SMN2: variants seen among roughly 807,000 people sequenced by gnomAD.
SMN2 encodes survival of motor neuron 2, centromeric.
A neutral mutation model predicts 2.8 loss-of-function variants in SMN2; 1 was observed. The observed-to-expected ratio is 0.35, with a 90% CI of 0.13 to 1.68. The LOEUF is 1.68. SMN2 is among the 40% of genes most tolerant of loss of function. SMN2 has a pLI of 0.35. For missense variants in SMN2, 12 were observed against 16.9 expected (o/e 0.71, Z 0.51); for synonymous variants, 5 against 5.0 (o/e 0.99, Z 0.01).
chr5:70,052,909 G>A (rs1269883755), intron 1 of SMN2, among the ~76,000 whole-genome samples: 1 of 129,984 alleles, frequency 7.7e-6, no homozygotes, highest in East Asian at 2.1e-4. Context: ...AAAGTGGGAG[G>A]ATCAATGTAC....
the SMN2 span, among the ~76,000 whole-genome samples, chr5:70,084,644 C>A: frequency 7.3e-6 from 1 of 137,282 alleles, no homozygotes; most frequent in Non-Finnish European, 1.5e-5. Flanking sequence ...AAATGATTAT[C>A]TCATATTTGT....
chr5:70,085,004 G>A, the SMN2 span, among the ~76,000 whole-genome samples: 3 of 138,096 alleles, frequency 2.2e-5, 1 homozygote, highest in African/African-American at 9.1e-5. Context: ...CTATAAACAA[G>A]TGTCCTTTTT....
chr5:70,083,867 T>G, the SMN2 span, among the ~76,000 whole-genome samples: 2,698 of 129,244 alleles, frequency 0.021, 364 homozygotes, highest in African/African-American at 0.09. Context: ...AGGAGTTAAT[T>G]GGTGCAGCAC....
downstream of SMN2, among the ~76,000 whole-genome samples, chr5:70,079,756 C>G (rs185193201): frequency 0.047 from 5,351 of 114,400 alleles, 520 homozygotes; most frequent in African/African-American, 0.2. Flanking sequence ...GAGACCCTGT[C>G]TCAAAAAAAA....
At chr5:70,076,045 G>T (rs1222433234) in intron 7 of SMN2, among the ~76,000 whole-genome samples, 1 of 125,668 alleles carries the variant, frequency 8.0e-6, no homozygotes, top group African/African-American at 3.5e-5. Context: ...AGTAGAAACG[G>T]GGTTTTGCCA....
At chr5:70,087,891 TTTA>T in the SMN2 span, among the ~76,000 whole-genome samples, 2 of 29,802 alleles carry the variant, frequency 6.7e-5, no homozygotes, top group Non-Finnish European at 1.1e-4. Flanking sequence ...TGATGTAAAA[TTTA>T]TTATTGTGGG....
At chr5:70,080,171 CA>C (rs1227907652), downstream of SMN2, among the ~76,000 whole-genome samples, 16 of 115,998 alleles carry the variant, frequency 1.4e-4, no homozygotes, top group East Asian at 5.1e-4. Flanking sequence ...ACTAAAAATA[CA>C]AAAAAAAAAT....
At chr5:70,079,774 A>C, downstream of SMN2, among the ~76,000 whole-genome samples, 1 of 120,560 alleles carries the variant, frequency 8.3e-6, no homozygotes. Context: ...AAAAAACCAA[A>C]CCAAAGCAAC....
the SMN2 span, among the ~76,000 whole-genome samples, chr5:70,084,735 C>T: frequency 3.6e-5 from 5 of 137,538 alleles, 1 homozygote; most frequent in Admixed American, 7.3e-5. Context: ...TATGGTCTTC[C>T]CATTACCATT....
At chr5:70,084,720 G>C in the SMN2 span, among the ~76,000 whole-genome samples, 1 of 137,646 alleles carries the variant, frequency 7.3e-6, no homozygotes, top group Non-Finnish European at 1.5e-5. Flanking sequence ...ATTTTCTGTT[G>C]TTTATATGGT....
At chr5:70,077,929 G>GT (rs1400409914), downstream of SMN2, 7 of 115,130 alleles carry the variant, frequency 6.1e-5, no homozygotes, top group Non-Finnish European at 1.2e-4. Flanking sequence ...TAGAGATGGA[G>GT]TTTCACCATG....
intron 6 of SMN2, among the ~76,000 whole-genome samples, chr5:70,069,819 C>T (rs1422753485): frequency 9.2e-3 from 55 of 5,996 alleles, no homozygotes; most frequent in Middle Eastern, 0.036. Context: ...AATTCTGCCT[C>T]GGCCTCCCAA....
At chr5:70,071,088 CTTTT>C (rs1164147978) in intron 7 of SMN2, 339 of 51,904 alleles carry the variant, frequency 6.5e-3, no homozygotes, top group South Asian at 0.017. Flanking sequence ...AAATGAAATT[CTTTT>C]TTTTTTTTTT....
intron 6 of SMN2, among the ~76,000 whole-genome samples, chr5:70,069,722 G>T (rs1464395519): frequency 7.8e-3 from 2 of 258 alleles, no homozygotes; most frequent in Admixed American, 0.022. Context: ...TTTTTGTTTT[G>T]GAGGCAGAGT....
chr5:70,075,939 C>T lies in SMN2; in HGVS notation c.835-582C>T, dbSNP rs1421646290. Among the ~76,000 whole-genome samples, 2 of 123,986 alleles carry T rather than the reference C, an allele frequency of 1.6e-5. 1 individual carries two copies. The highest frequency in any genetic ancestry group is 3.3e-5 in the Non-Finnish European group (2 of 60,540). 81.3% of individuals were successfully genotyped at this position (123,986 alleles called of 152,430 possible). A position where few individuals can be genotyped will look rare whatever the true frequency, so the allele number is the denominator to read the frequency against. On this transcript the variant is annotated intron_variant, in intron 7 of 8. Coordinates refer to ENST00000380743, the MANE Select transcript of SMN2 (RefSeq NM_017411.4). ...GTAAATCTCAGCTCACTGCAGCCTCCGCCTCCTGGGTTCAAGTGATTCTCC... is the reference window on the plus strand; with the variant it reads ...GTAAATCTCAGCTCACTGCAGCCTCTGCCTCCTGGGTTCAAGTGATTCTCC...
chr5:70,084,956 G>T, the SMN2 span, among the ~76,000 whole-genome samples: 3 of 138,206 alleles, frequency 2.2e-5, no homozygotes, highest in South Asian at 4.4e-4. Context: ...TTCCCAGCTG[G>T]GGTTGAACAG....
intron 7 of SMN2, among the ~76,000 whole-genome samples, chr5:70,075,484 G>A (rs1427067380): frequency 1.7e-5 from 2 of 116,076 alleles, no homozygotes; most frequent in African/African-American, 3.7e-5. Flanking sequence ...CAAGTGCTGG[G>A]ATTATAGGCG....
intron 1 of SMN2, among the ~76,000 whole-genome samples, chr5:70,052,154 G>T: frequency 7.9e-6 from 1 of 126,748 alleles, no homozygotes; most frequent in African/African-American, 2.7e-5. Flanking sequence ...TCACGCCACT[G>T]TACTCCAGCC....
At chr5:70,069,968 G>A (rs1371316149) in intron 6 of SMN2, among the ~76,000 whole-genome samples, 1 of 36,750 alleles carries the variant, frequency 2.7e-5, no homozygotes, top group Non-Finnish European at 4.7e-5. Context: ...CTCCCAAAGC[G>A]CTGGGATTAC....
Sources: gnomAD v4.1 joint callset for allele counts (sites outside exome capture counted in the v4.1 genomes callset) on GRCh38, gnomAD v4.1.1 for gene constraint, MANE v1.5 for transcripts, NCBI Gene and HGNC (gene_info 2026-07-23, HGNC 2026-07-21) for gene names.